Variants in TLE4 observed in about 807,000 individuals in gnomAD.
TLE4 encodes transducin-like enhancer protein 4.
In TLE4, 8 loss-of-function variants were observed where a neutral mutation model predicts 92.8. That is an observed-to-expected ratio of 0.09 (90% CI 0.05 to 0.16). TLE4 has a LOEUF of 0.16. Ranked by LOEUF, TLE4 falls within the 10% of genes least tolerant of loss-of-function variation. The pLI, the probability that TLE4 is intolerant of heterozygous loss-of-function variation, is 1.00. For missense variants in TLE4, 675 were observed against 997.6 expected (o/e 0.68, Z 4.36); for synonymous variants, 371 against 374.1 (o/e 0.99, Z 0.10).
intron 2 of TLE4, 155 bp downstream of exon 2, chr9:79,573,941 CTT>C (rs2036819330): frequency 2.3e-6 from 1 of 435,510 alleles, no homozygotes; most frequent in South Asian, 6.3e-5. Context: ...TCAAGGCCTC[CTT>C]CCTTAGGCAG....
rs138468199 is a variant in TLE4 at position 79,621,728 on chromosome 9, A to T, written c.316-5646A>T. On this transcript the variant is annotated intron_variant, in intron 5 of 19. Transcript: ENST00000376552. ...TTTGCGTGCTTTTGGTGATAGGGAG[A>T]GTCTTTTGTTGATTGGTTGGTTGGT... Among the ~76,000 whole-genome samples the T allele has an allele frequency of 7.2e-4, 109 of 151,900 alleles. No homozygotes were observed. The East Asian group carries it at 0.014, about 19-fold the overall frequency.
intron 6 of TLE4, among the ~76,000 whole-genome samples, chr9:79,635,681 C>G (rs1313315098): frequency 1.3e-5 from 2 of 151,308 alleles, no homozygotes; most frequent in Non-Finnish European, 2.9e-5. Context: ...TGTTGAAAAT[C>G]AATTAACCTT....
chr9:79,597,867 AGT>A (rs2044415699), intron 4 of TLE4, among the ~76,000 whole-genome samples: 3 of 152,132 alleles, frequency 2.0e-5, no homozygotes, highest in African/African-American at 7.2e-5. Flanking sequence ...CTGAACATTA[AGT>A]GAAATATCTG....
At chr9:79,622,257 TC>T (rs1411600451) in intron 5 of TLE4, among the ~76,000 whole-genome samples, 3 of 152,178 alleles carry the variant, frequency 2.0e-5, no homozygotes, top group Non-Finnish European at 4.4e-5. Context: ...TTTAAAGTGT[TC>T]TTGCTTATGT....
intron 14 of TLE4, among the ~76,000 whole-genome samples, chr9:79,711,524 G>A (rs1456375491): frequency 6.6e-6 from 1 of 151,652 alleles, no homozygotes; most frequent in African/African-American, 2.4e-5. Context: ...CTTTTTTTTG[G>A]TTACTTCTTA....
chr9:79,628,900 GTGTGTGTGTA>G (rs1464588232), intron 6 of TLE4, among the ~76,000 whole-genome samples: 2 of 151,844 alleles, frequency 1.3e-5, no homozygotes, highest in African/African-American at 4.8e-5. Flanking sequence ...GTGTGTGTGT[GTGTGTGTGTA>G]TATGTATAAA....
intron 8 of TLE4, among the ~76,000 whole-genome samples, chr9:79,684,681 T>A (rs9722721): frequency 0.53 from 80,690 of 152,052 alleles, 24,109 homozygotes; most frequent in East Asian, 0.73. Flanking sequence ...GTCTAGAACG[T>A]CTTCAGCTCA....
intron 18 of TLE4, 43 bp from the exon 19 acceptor site, chr9:79,722,914 CAG>C: frequency 6.4e-7 from 1 of 1,568,000 alleles, no homozygotes. Context: ...TGGTGTCTGA[CAG>C]AGTAACACAA....
intron 7 of TLE4, 132 bp downstream of exon 7, chr9:79,652,926 AAATT>A (rs1302579447): frequency 2.0e-6 from 2 of 1,013,612 alleles, no homozygotes; most frequent in Non-Finnish European, 1.5e-6. Flanking sequence ...ACTGGAAGGT[AAATT>A]AATTACTGCA....
chr9:79,633,979 C>G (rs546608228), intron 6 of TLE4, among the ~76,000 whole-genome samples: 1 of 152,238 alleles, frequency 6.6e-6, no homozygotes, highest in South Asian at 2.1e-4. Context: ...CCTAAGAAAC[C>G]AGTTTGGGAA....
chr9:79,701,434 T>A (rs1389796119), intron 8 of TLE4, among the ~76,000 whole-genome samples: 1 of 152,224 alleles, frequency 6.6e-6, no homozygotes, highest in Non-Finnish European at 1.5e-5. Context: ...TAAATAGGCA[T>A]TACCTTTTAG....
intron 6 of TLE4, among the ~76,000 whole-genome samples, chr9:79,636,085 C>G (rs2055724919): frequency 6.6e-6 from 1 of 152,070 alleles, no homozygotes; most frequent in Non-Finnish European, 1.5e-5. Context: ...GTCTTTCTTT[C>G]ATTCTACACA....
intron 5 of TLE4, among the ~76,000 whole-genome samples, chr9:79,618,822 A>G (rs1356026466): frequency 6.6e-6 from 1 of 152,222 alleles, no homozygotes; most frequent in Non-Finnish European, 1.5e-5. Context: ...AGTTATTTTA[A>G]GAAAATATTG....
intron 8 of TLE4, among the ~76,000 whole-genome samples, chr9:79,657,160 C>T (rs2059898185): frequency 6.6e-6 from 1 of 152,152 alleles, no homozygotes; most frequent in Admixed American, 6.5e-5. Context: ...AGCCATGGCA[C>T]CTGCAGCCTT....
At chr9:79,712,711 G>A (rs192672129) in intron 14 of TLE4, among the ~76,000 whole-genome samples, 2 of 152,326 alleles carry the variant, frequency 1.3e-5, no homozygotes, top group East Asian at 3.9e-4. Flanking sequence ...ATTAGCAGAG[G>A]TTCTACTTCA....
In TLE4 at chr9:79,573,194, T is replaced by C. The variant is rs2036385801; in HGVS notation, c.45+359T>C. On this transcript the variant is annotated intron_variant, in intron 1 of 19. Coordinates refer to ENST00000376552, the MANE Select transcript of TLE4 (RefSeq NM_007005.6). ...GGGAGGGCGCCCTCGGCAGCGGCGC[T>C]GCTGGGCTGGCTGCGGTTTGGAAGT... The C allele has an allele frequency of 3.0e-6, 3 of 984,966 alleles. No homozygotes were observed. In the South Asian group the frequency reaches 1.3e-4, roughly 43 times the overall value. The allele number at this position is 984,966 out of a possible 1,614,324, so 61.0% of individuals were successfully genotyped here.
chr9:79,682,137 G>A (rs2064829756), intron 8 of TLE4, among the ~76,000 whole-genome samples: 1 of 152,198 alleles, frequency 6.6e-6, no homozygotes, highest in East Asian at 1.9e-4. Context: ...TATTTTAAAA[G>A]AGAAAATAAA....
intron 8 of TLE4, among the ~76,000 whole-genome samples, chr9:79,688,202 T>C (rs560985988): frequency 2.0e-5 from 3 of 152,322 alleles, no homozygotes; most frequent in South Asian, 4.1e-4. Context: ...CATCTGCAGT[T>C]CTTATTTTAT....
chr9:79,616,610 C>A (rs2133198773), intron 5 of TLE4, among the ~76,000 whole-genome samples: 1 of 152,264 alleles, frequency 6.6e-6, no homozygotes, highest in Admixed American at 6.5e-5. Flanking sequence ...CTTGAACTAG[C>A]TAAAAATCTA....
Sources: allele counts gnomAD v4.1 joint callset (sites outside exome capture counted in the v4.1 genomes callset), GRCh38; gene constraint gnomAD v4.1.1; transcripts MANE v1.5; gene names NCBI Gene and HGNC (gene_info 2026-07-23, HGNC 2026-07-21).